The following FOCAD variants were observed in gnomAD, a reference collection of about 807,000 sequenced individuals.
The protein encoded by FOCAD is KIAA1797.
Under a neutral mutation model 225.6 loss-of-function variants are expected in FOCAD, and 198 were observed. That is an observed-to-expected ratio of 0.88 (90% CI 0.78 to 0.99). The LOEUF (loss-of-function observed/expected upper bound fraction) is 0.99. FOCAD is among the 50% of genes least tolerant of loss of function. The probability of loss-of-function intolerance (pLI) is 0.00; values close to 1 mark genes in which losing one functional copy is unlikely to be tolerated. For synonymous variants in FOCAD, 897 were observed against 755.0 expected, an observed-to-expected ratio of 1.19 and a Z score of -3.08; for missense variants, 2,713 against 2,123.6, an observed-to-expected ratio of 1.28 and a Z score of -5.46.
chr9:20,692,596 C>G (rs915409915), intron 1 of FOCAD, among the ~76,000 whole-genome samples: 1 of 152,166 alleles, frequency 6.6e-6, no homozygotes, highest in African/African-American at 2.4e-5. Flanking sequence ...TGGTCTTGCC[C>G]GTGCTCACTC....
intron 11 of FOCAD, among the ~76,000 whole-genome samples, chr9:20,812,721 C>A (rs1468381823): frequency 6.6e-6 from 1 of 152,042 alleles, no homozygotes; most frequent in Non-Finnish European, 1.5e-5. Flanking sequence ...TGAACTGAGA[C>A]ATAAACTCCT....
intron 15 of FOCAD, among the ~76,000 whole-genome samples, chr9:20,830,180 C>CT (rs1325904892): frequency 6.6e-5 from 10 of 151,936 alleles, no homozygotes; most frequent in Non-Finnish European, 1.3e-4. Context: ...TTGGAGAAAA[C>CT]TTTTTTTGAG....
chr9:20,865,943 CCT>C lies in FOCAD; in HGVS notation c.2075_2076del (p.Leu692GlnfsTer20), dbSNP rs778172919. 2.5e-6 allele frequency: 4 copies of C among 1,608,612 alleles called. No individual in the cohort carries two copies. Among genetic ancestry groups the C allele is most frequent in the African/African-American group, 1.3e-5 (1 of 74,530 alleles). ...CTTTTCAGAATTTTAAAGTTCAAGT[CCT>C]CAGCTTCCTCTGGACTCATACTCAA... Reference protein sequence around the residue: ...TEYENFKVQVLSFLWTHTQNK... With the variant: ...TEYENFKVQVXSFLWTHTQNK... On this transcript the variant is annotated frameshift_variant, in exon 17 of 44. Transcript: ENST00000338382. LOFTEE classifies it high-confidence loss of function.
At position 20,820,332 on chromosome 9, in the gene FOCAD, A is replaced by G. The variant is rs1240114528; in HGVS notation, c.1569A>G (p.Ile523Met). 4.3e-6 allele frequency: 7 copies of G among 1,611,662 alleles called. No individual in the cohort carries two copies. Among genetic ancestry groups the G allele is most frequent in the Non-Finnish European group, 3.4e-6 (4 of 1,178,648 alleles). The change falls in exon 13 of 44, where the codon ATA becomes ATG. Residue 523 changes from isoleucine (I) to methionine (M), a missense_variant. Transcript: ENST00000338382. Reference protein sequence around the residue: ...LPKLGVHKVCIGQILRIIQLL... With the variant: ...LPKLGVHKVCMGQILRIIQLL... ...TCTTCAATATTTTCTAGGTGTGTAT[A>G]GGACAAATTCTACGAATAATACAAC...
chr9:20,770,334 A>T (rs1818077606), intron 8 of FOCAD, 96 bp downstream of exon 8: 1 of 1,151,654 alleles, frequency 8.7e-7, no homozygotes, highest in East Asian at 2.6e-5. Flanking sequence ...ATTGGCTTAC[A>T]GTCTGGCAGG....
chr9:20,904,257 C>T (rs1018296631), intron 21 of FOCAD, among the ~76,000 whole-genome samples: 1 of 151,878 alleles, frequency 6.6e-6, no homozygotes, highest in Non-Finnish European at 1.5e-5. Context: ...GTTTTCAGTT[C>T]TTTTGGGTAT....
intron 2 of FOCAD, 79 bp downstream of exon 2, chr9:20,715,489 A>G (rs930078735): frequency 1.7e-6 from 1 of 602,454 alleles, no homozygotes; most frequent in Non-Finnish European, 2.5e-6. Context: ...TTATATATTT[A>G]ATATTAAATA....
chr9:20,725,286 T>C (rs545032235), intron 4 of FOCAD, among the ~76,000 whole-genome samples: 1 of 152,316 alleles, frequency 6.6e-6, no homozygotes, highest in South Asian at 2.1e-4. Context: ...TTCTCTTTAA[T>C]TAGAGGTTTA....
intron 21 of FOCAD, among the ~76,000 whole-genome samples, chr9:20,899,288 C>T (rs1479245121): frequency 1.3e-5 from 2 of 151,896 alleles, no homozygotes; most frequent in Non-Finnish European, 2.9e-5. Flanking sequence ...TGGGGACCCT[C>T]CCTATGCCTG....
At chr9:20,933,921 T>G (rs548074377) in intron 28 of FOCAD, among the ~76,000 whole-genome samples, 17 of 152,210 alleles carry the variant, frequency 1.1e-4, no homozygotes, top group African/African-American at 4.1e-4. Context: ...GAGGTGGTAT[T>G]GCATTGTGGT....
intron 21 of FOCAD, among the ~76,000 whole-genome samples, chr9:20,890,950 A>T (rs1041316176): frequency 4.6e-5 from 7 of 152,102 alleles, no homozygotes; most frequent in Admixed American, 3.9e-4. Context: ...TTACAAATTG[A>T]AGGTTCGTGG....
At position 20,986,438 on chromosome 9, in the gene FOCAD, G is replaced by A; in HGVS notation, c.4879G>A (p.Ala1627Thr). 1.2e-5 allele frequency: 19 copies of A among 1,611,688 alleles called. No homozygotes were observed. Among genetic ancestry groups the A allele is most frequent in the Non-Finnish European group, 1.6e-5 (19 of 1,179,170 alleles). The change falls in exon 40 of 44, where the codon GCA becomes ACA. Residue 1627 changes from alanine to threonine, a missense_variant. Coordinates refer to ENST00000338382, the MANE Select transcript of FOCAD (RefSeq NM_001375567.1). ...GATGATTCTGCACAGCTTATACCAG[G>A]CACGGATTGTGAGCCATGCCAATAC... ...AWMILHSLYQ[A>T]RIVSHANTGV... is the part of the protein sequence containing the mutation.
chr9:20,888,665 C>A (rs748113662), intron 21 of FOCAD, among the ~76,000 whole-genome samples: 23 of 152,184 alleles, frequency 1.5e-4, no homozygotes, highest in Non-Finnish European at 2.4e-4. Flanking sequence ...AAATGTAATG[C>A]CTACATGTTG....
chr9:20,961,737 C>T (rs1223029455), intron 35 of FOCAD, among the ~76,000 whole-genome samples: 1 of 152,162 alleles, frequency 6.6e-6, no homozygotes, highest in East Asian at 1.9e-4. Context: ...TTTGCCCAAT[C>T]CTCCTGGATG....
At chr9:20,923,533 GC>G in intron 24 of FOCAD, 126 bp from the exon 25 acceptor site, 1 of 633,148 alleles carries the variant, frequency 1.6e-6, no homozygotes, top group Non-Finnish European at 2.8e-6. Context: ...AAACAGACCT[GC>G]ATTTACAAGA....
At chr9:20,948,801 A>C (rs754336115) in intron 31 of FOCAD, 50 bp from the exon 32 acceptor site, 2 of 1,591,938 alleles carry the variant, frequency 1.3e-6, no homozygotes, top group Non-Finnish European at 1.7e-6. Context: ...TATAGAATCT[A>C]AACCCAAGGA....
At chr9:20,685,688 C>T (rs1962590) in intron 1 of FOCAD, among the ~76,000 whole-genome samples, 1 of 152,198 alleles carries the variant, frequency 6.6e-6, no homozygotes, top group Non-Finnish European at 1.5e-5. Flanking sequence ...GCTAAAACCT[C>T]TGCCTTGATT....
chr9:20,817,670 CTT>C (rs921548753), intron 11 of FOCAD, among the ~76,000 whole-genome samples: 1 of 149,782 alleles, frequency 6.7e-6, no homozygotes, highest in African/African-American at 2.5e-5. Context: ...TTTTTTTTCT[CTT>C]AGCATAATGT....
chr9:20,833,054 T>C (rs1292351090), intron 15 of FOCAD, among the ~76,000 whole-genome samples: 2 of 152,054 alleles, frequency 1.3e-5, no homozygotes, highest in Non-Finnish European at 2.9e-5. Context: ...TATGGTAGTT[T>C]TATTTTTAGT....
Sources: gnomAD v4.1 joint callset for allele counts (sites outside exome capture counted in the v4.1 genomes callset) on GRCh38, gnomAD v4.1.1 for gene constraint, MANE v1.5 for transcripts, NCBI Gene and HGNC (gene_info 2026-07-23, HGNC 2026-07-21) for gene names.